Variants in CCDC138 observed in about 807,000 individuals in gnomAD.
CCDC138 encodes the protein coiled-coil domain containing 138, also known as coiled-coil domain-containing protein 138.
Under a neutral mutation model 82.3 loss-of-function variants are expected in CCDC138, and 66 were observed. The ratio of observed to expected loss-of-function variants is 0.80; its 90% CI spans 0.66 to 0.98. The LOEUF is 0.98. Ranked by LOEUF, CCDC138 falls within the 50% of genes least tolerant of loss-of-function variation. The pLI is 0.00. For synonymous variants in CCDC138, 297 were observed against 265.4 expected (o/e 1.12, Z -1.16); for missense variants, 816 against 758.9 (o/e 1.08, Z -0.88).
chr2:108,818,661 G>T (rs1685168098), intron 10 of CCDC138, among the ~76,000 whole-genome samples: 1 of 152,060 alleles, frequency 6.6e-6, no homozygotes, highest in African/African-American at 2.4e-5. Flanking sequence ...TGTAAAATTT[G>T]TAATTTTAAA....
chr2:108,846,994 C>T (rs1230841990), intron 12 of CCDC138, 64 bp downstream of exon 12: 12 of 881,418 alleles, frequency 1.4e-5, no homozygotes, highest in Non-Finnish European at 2.2e-5. Context: ...TATATTAAAG[C>T]AATTCTTTTA....
intron 2 of CCDC138, among the ~76,000 whole-genome samples, chr2:108,788,440 T>C (rs1006843278): frequency 6.9e-6 from 1 of 145,694 alleles, no homozygotes; most frequent in Non-Finnish European, 1.5e-5. Context: ...AAAAATAGGC[T>C]GCGCGCGGTG....
chr2:108,803,365 A>G (rs983177693), intron 6 of CCDC138, among the ~76,000 whole-genome samples: 3 of 147,534 alleles, frequency 2.0e-5, no homozygotes, highest in African/African-American at 7.5e-5. Context: ...CTTCCTGATT[A>G]TCTTGCCAGG....
At chr2:108,843,359 T>C (rs1419531369) in intron 11 of CCDC138, among the ~76,000 whole-genome samples, 2 of 152,190 alleles carry the variant, frequency 1.3e-5, no homozygotes, top group Non-Finnish European at 2.9e-5. Context: ...GGTTTCGCCA[T>C]GTTGGCCAGG....
intron 13 of CCDC138, among the ~76,000 whole-genome samples, chr2:108,866,868 G>C (rs901379507): frequency 1.3e-5 from 2 of 150,944 alleles, no homozygotes; most frequent in African/African-American, 2.4e-5. Context: ...GGGCGACAGA[G>C]TAAGACTGTC....
At chr2:108,837,070 G>T (rs1688685718) in intron 10 of CCDC138, among the ~76,000 whole-genome samples, 1 of 152,064 alleles carries the variant, frequency 6.6e-6, no homozygotes, top group Non-Finnish European at 1.5e-5. Context: ...AGTTTCACTG[G>T]CTGGTACTAT....
chr2:108,858,965 C>T (rs140202179), intron 13 of CCDC138, among the ~76,000 whole-genome samples: 5 of 152,284 alleles, frequency 3.3e-5, no homozygotes, highest in African/African-American at 1.2e-4. Flanking sequence ...ATTTTGAATA[C>T]AGCTGCTGCA....
intron 6 of CCDC138, 64 bp from the exon 7 acceptor site, chr2:108,804,825 C>T: frequency 7.5e-7 from 1 of 1,335,538 alleles, no homozygotes; most frequent in Non-Finnish European, 9.7e-7. Flanking sequence ...ATTCACGTTC[C>T]ATAGTATTAG....
chr2:108,830,880 G>A (rs115660738), intron 10 of CCDC138, among the ~76,000 whole-genome samples: 3,370 of 151,156 alleles, frequency 0.022, 119 homozygotes, highest in African/African-American at 0.078. Context: ...TGACATTTTG[G>A]CCAGGACAAC....
intron 10 of CCDC138, among the ~76,000 whole-genome samples, chr2:108,824,906 G>T (rs1291569423): frequency 6.6e-6 from 1 of 152,164 alleles, no homozygotes; most frequent in Non-Finnish European, 1.5e-5. Flanking sequence ...TATGTGGTCA[G>T]TTGACCGAAA....
At chr2:108,805,464 G>T (rs1048089655) in intron 7 of CCDC138, among the ~76,000 whole-genome samples, 1 of 152,044 alleles carries the variant, frequency 6.6e-6, no homozygotes, top group East Asian at 1.9e-4. Context: ...GGTGGCTCAC[G>T]CCTGTAATCC....
intron 12 of CCDC138, among the ~76,000 whole-genome samples, chr2:108,856,055 G>A (rs1030403890): frequency 2.0e-5 from 3 of 152,198 alleles, no homozygotes; most frequent in Admixed American, 6.5e-5. Context: ...CTTGGGTTGT[G>A]TAGTGTACTG....
chr2:108,841,649 A>G (rs944638262), intron 11 of CCDC138, among the ~76,000 whole-genome samples: 2 of 152,094 alleles, frequency 1.3e-5, no homozygotes, highest in African/African-American at 4.8e-5. Context: ...AGTTTTTTTA[A>G]TTAAATAGCA....
intron 13 of CCDC138, among the ~76,000 whole-genome samples, chr2:108,870,792 G>A (rs1469674781): frequency 1.3e-5 from 2 of 152,176 alleles, no homozygotes; most frequent in African/African-American, 4.8e-5. Context: ...AAGTAGATTG[G>A]TGATTGTCAG....
intron 14 of CCDC138, among the ~76,000 whole-genome samples, chr2:108,874,180 T>C (rs1695685387): frequency 6.6e-6 from 1 of 152,100 alleles, no homozygotes; most frequent in Non-Finnish European, 1.5e-5. Flanking sequence ...GATAAAAGTA[T>C]TTTGCAAATC....
chr2:108,793,440 A>G (rs1680283783), intron 4 of CCDC138, among the ~76,000 whole-genome samples: 2 of 152,196 alleles, frequency 1.3e-5, no homozygotes, highest in Non-Finnish European at 2.9e-5. Context: ...AAGGATATCA[A>G]GCAAGAGGAA....
chr2:108,806,583 G>A (rs1573992529), intron 7 of CCDC138, among the ~76,000 whole-genome samples: 1 of 152,092 alleles, frequency 6.6e-6, no homozygotes, highest in East Asian at 1.9e-4. Context: ...CTCTTTCAGT[G>A]ACCCAGCTCT....
downstream of CCDC138, among the ~76,000 whole-genome samples, chr2:108,879,619 A>C (rs991496780): frequency 3.3e-5 from 5 of 152,204 alleles, no homozygotes; most frequent in African/African-American, 1.2e-4. Context: ...TGGCCAGGCT[A>C]AGTTTTTAGT....
At chr2:108,827,365 A>G (rs947163336) in intron 10 of CCDC138, among the ~76,000 whole-genome samples, 2 of 152,208 alleles carry the variant, frequency 1.3e-5, no homozygotes, top group African/African-American at 4.8e-5. Context: ...AGTAAAATAA[A>G]TAAAAGAGAA....
Sources: allele counts gnomAD v4.1 joint callset (sites outside exome capture counted in the v4.1 genomes callset), GRCh38; gene constraint gnomAD v4.1.1; transcripts MANE v1.5; gene names NCBI Gene and HGNC (gene_info 2026-07-23, HGNC 2026-07-21).